The following ACO2 variants were observed in gnomAD, a reference collection of about 807,000 sequenced individuals.
ACO2 encodes the protein aconitate hydratase, mitochondrial.
ACO2 carries 31 observed loss-of-function variants against 84.5 expected under a neutral mutation model. The ratio of observed to expected loss-of-function variants is 0.37; its 90% confidence interval spans 0.28 to 0.50. The LOEUF (loss-of-function observed/expected upper bound fraction) is 0.50. ACO2 is among the 20% of genes least tolerant of loss of function. The pLI is 0.97. For synonymous variants in ACO2, 414 were observed against 412.7 expected (o/e 1.00, Z -0.04); for missense variants, 685 against 1,029.3 (o/e 0.67, Z 4.58).
chr22:41,494,567 A>G (rs2066298503), intron 1 of ACO2, among the ~76,000 whole-genome samples: 1 of 151,064 alleles, frequency 6.6e-6, no homozygotes, highest in African/African-American at 2.4e-5. Flanking sequence ...GTACGCCACC[A>G]TGTCCGGCTA....
At chr22:41,489,427 A>G (rs1363585328) in intron 1 of ACO2, among the ~76,000 whole-genome samples, 1 of 152,098 alleles carries the variant, frequency 6.6e-6, no homozygotes, top group African/African-American at 2.4e-5. Flanking sequence ...CTGTTTCCAA[A>G]TCGAGATCTA....
intron 3 of ACO2, among the ~76,000 whole-genome samples, chr22:41,510,364 A>G (rs2066424953): frequency 6.6e-6 from 1 of 152,168 alleles, no homozygotes; most frequent in Non-Finnish European, 1.5e-5. Flanking sequence ...TACCAATTTC[A>G]TAAGTGACCG....
intron 4 of ACO2, among the ~76,000 whole-genome samples, chr22:41,513,843 C>T (rs915040291): frequency 6.6e-6 from 1 of 152,120 alleles, no homozygotes; most frequent in Non-Finnish European, 1.5e-5. Flanking sequence ...ACCCACAGAC[C>T]GGGGAGCTCA....
At chr22:41,521,035 C>CAAAAAAA (rs375633363) in intron 9 of ACO2, among the ~76,000 whole-genome samples, 4 of 81,632 alleles carry the variant, frequency 4.9e-5, no homozygotes, top group African/African-American at 1.4e-4. Flanking sequence ...AGCCTGCCTC[C>CAAAAAAA]AAAAAAAAAA....
intron 3 of ACO2, among the ~76,000 whole-genome samples, chr22:41,511,422 T>C (rs1488757335): frequency 1.3e-5 from 2 of 152,240 alleles, no homozygotes; most frequent in African/African-American, 2.4e-5. Flanking sequence ...TCTGCCTGCC[T>C]CAGCCTCCCA....
intron 1 of ACO2, among the ~76,000 whole-genome samples, chr22:41,498,653 A>T (rs992318129): frequency 6.6e-6 from 1 of 152,212 alleles, no homozygotes; most frequent in Non-Finnish European, 1.5e-5. Flanking sequence ...AGGATTGCTT[A>T]ACAATATGGG....
At chr22:41,507,446 G>C (rs528293263) in intron 2 of ACO2, among the ~76,000 whole-genome samples, 1 of 152,280 alleles carries the variant, frequency 6.6e-6, no homozygotes, top group South Asian at 2.1e-4. Context: ...TAAATGGCAG[G>C]AATGATGAGA....
intron 1 of ACO2, among the ~76,000 whole-genome samples, chr22:41,498,234 G>T (rs2066329297): frequency 6.6e-6 from 1 of 152,080 alleles, no homozygotes; most frequent in African/African-American, 2.4e-5. Context: ...ATCATTTGAA[G>T]TCAGGAGTTT....
At chr22:41,517,723 GT>G in intron 7 of ACO2, 92 bp downstream of exon 7, 2 of 1,164,670 alleles carry the variant, frequency 1.7e-6, no homozygotes, top group South Asian at 2.5e-5. Flanking sequence ...TAGGGCAGGG[GT>G]TCTTAACCCA....
chr22:41,505,661 T>C (rs1291313864), intron 2 of ACO2, among the ~76,000 whole-genome samples: 1 of 152,014 alleles, frequency 6.6e-6, no homozygotes. Flanking sequence ...GAGGATAAAA[T>C]GAGTTTTATA....
In ACO2 at chr22:41,528,803, C is replaced by T. The variant is rs184494062; in HGVS notation, c.*190C>T. The T allele has an allele frequency of 1.9e-3, 1,374 of 741,632 alleles. 4 individuals carry two copies. The highest frequency in any genetic ancestry group is 1.8e-3 in the Non-Finnish European group (855 of 476,026). 45.9% of individuals were successfully genotyped at this position (741,632 alleles called of 1,614,324 possible). A position where few individuals can be genotyped will look rare whatever the true frequency, so the allele number is the denominator to read the frequency against. On this transcript the variant is annotated 3_prime_UTR_variant, in exon 18 of 18. Transcript: ENST00000216254. Reference sequence around the variant, plus strand: ...GTTCTTAAAATAACTTTTTAGCCCCCGTCTTCCTATTTTGAGTTTGGTTCA... The same window carrying T: ...GTTCTTAAAATAACTTTTTAGCCCCTGTCTTCCTATTTTGAGTTTGGTTCA...
chr22:41,482,366 G>A (rs1461289044), intron 1 of ACO2, among the ~76,000 whole-genome samples: 1 of 152,238 alleles, frequency 6.6e-6, no homozygotes, highest in Non-Finnish European at 1.5e-5. Flanking sequence ...CCAGCTGTTT[G>A]ACCTTAGGCA....
At position 41,528,553 on chromosome 22, in the gene ACO2, G is replaced by A. The variant is rs183859386; in HGVS notation, c.2283G>A (p.Thr761=). ...TCCTGAACCACACCTTCAACGAGAC[G>A]CAGATTGAGTGGTTCCGCGCTGGCA... The part of the protein sequence containing the change: ...TILLNHTFNE[T]QIEWFRAGSA... The change falls in exon 18 of 18, where the codon ACG becomes ACA. Residue 761 remains threonine (T), a synonymous_variant. Transcript: ENST00000216254. 9.3e-6 allele frequency: 15 copies of A among 1,613,232 alleles called. No individual in the cohort carries two copies. The East Asian group carries it at 1.3e-4, about 14-fold the overall frequency.
chr22:41,502,315 A>G (rs1194292854), intron 2 of ACO2, among the ~76,000 whole-genome samples: 1 of 152,162 alleles, frequency 6.6e-6, no homozygotes, highest in African/African-American at 2.4e-5. Flanking sequence ...CCAGCATCTT[A>G]GACCCCACTC....
In ACO2 at chr22:41,469,396, C is replaced by T; in HGVS notation, c.36+214C>T. On this transcript the variant is annotated intron_variant, in intron 1 of 17. Transcript: ENST00000216254. Reference sequence around the variant, plus strand: ...AGCTTTCCTGGCCCTGTCCCTGCCTCGCAAGAAGCGTGGGCCCAAGCAGCG... The same window carrying T: ...AGCTTTCCTGGCCCTGTCCCTGCCTTGCAAGAAGCGTGGGCCCAAGCAGCG... 12 of 492,106 alleles carry T rather than the reference C, an allele frequency of 2.4e-5. 1 individual carries two copies. The South Asian group carries it at 3.6e-4, about 15-fold the overall frequency. The allele number at this position is 492,106 out of a possible 1,614,324, so 30.5% of individuals were successfully genotyped here. A position where few individuals can be genotyped will look rare whatever the true frequency, so the allele number is the denominator to read the frequency against.
chr22:41,516,138 C>G (rs752210456), intron 6 of ACO2: 10 of 662,600 alleles, frequency 1.5e-5, no homozygotes, highest in Non-Finnish European at 2.1e-5. Flanking sequence ...CCTGTCGAGG[C>G]TGCCGGTGAC....
rs1016916530 is a variant in ACO2, at chr22:41,507,640, G to T, written c.174-151G>T. 9 of 1,097,814 alleles carry T rather than the reference G, an allele frequency of 8.2e-6. No homozygotes were observed. The African/African-American group carries it at 1.3e-4, about 15-fold the overall frequency. The allele number at this position is 1,097,814 out of a possible 1,614,324, so 68.0% of individuals were successfully genotyped here. A position where few individuals can be genotyped will look rare whatever the true frequency, so the allele number is the denominator to read the frequency against. On this transcript the variant is annotated intron_variant, in intron 2 of 17. Coordinates refer to ENST00000216254, the MANE Select transcript of ACO2 (RefSeq NM_001098.3). The stretch of plus-strand genomic sequence containing the variant: ...GTGGTGCAGTGAACAGGACCCAGCA[G>T]TCCCCACCCAAGTGGAACGTTGAGG...
At chr22:41,503,447 C>G (rs780719187) in intron 2 of ACO2, among the ~76,000 whole-genome samples, 2 of 152,114 alleles carry the variant, frequency 1.3e-5, no homozygotes, top group Non-Finnish European at 2.9e-5. Flanking sequence ...TCTCCTGCCT[C>G]AGCCTCCCGA....
intron 1 of ACO2, among the ~76,000 whole-genome samples, chr22:41,493,964 C>A (rs945693320): frequency 6.6e-6 from 1 of 152,106 alleles, no homozygotes; most frequent in African/African-American, 2.4e-5. Context: ...GAGGTGGAGA[C>A]AGGAGAATTG....
Sources: gnomAD v4.1 joint callset for allele counts (sites outside exome capture counted in the v4.1 genomes callset) on GRCh38, gnomAD v4.1.1 for gene constraint, MANE v1.5 for transcripts, NCBI Gene and HGNC (gene_info 2026-07-23, HGNC 2026-07-21) for gene names.